Variants in KCNK3 observed in about 807,000 individuals in gnomAD.
KCNK3 encodes the protein potassium channel subfamily K member 3.
Under a neutral mutation model 27.3 loss-of-function variants are expected in KCNK3, and 9 were observed. That is an observed-to-expected ratio of 0.33 (90% CI 0.20 to 0.57). The LOEUF is 0.57. Among genes scored for constraint, KCNK3 ranks in the 20% least tolerant of loss-of-function variants. The pLI is 0.87. For synonymous variants in KCNK3, 278 were observed against 273.8 expected (o/e 1.02, Z -0.15); for missense variants, 391 against 577.7 (o/e 0.68, Z 3.31).
At chr2:26,708,727 T>A (rs978013717) in intron 1 of KCNK3, among the ~76,000 whole-genome samples, 1 of 152,188 alleles carries the variant, frequency 6.6e-6, no homozygotes, top group Non-Finnish European at 1.5e-5. Flanking sequence ...TTAAGACTGA[T>A]AGAAGTCACT....
chr2:26,704,139 AC>A (rs963899344), intron 1 of KCNK3, among the ~76,000 whole-genome samples: 2 of 151,940 alleles, frequency 1.3e-5, no homozygotes, highest in African/African-American at 4.8e-5. Context: ...CACCCTGCTC[AC>A]CCAGCAGCCC....
chr2:26,698,991 A>G (rs917563609), intron 1 of KCNK3, among the ~76,000 whole-genome samples: 3 of 152,110 alleles, frequency 2.0e-5, no homozygotes, highest in African/African-American at 7.2e-5. Context: ...AGCCTGGTCA[A>G]CAATGGTGAA....
chr2:26,715,114 T>C (rs1037715063), intron 1 of KCNK3, among the ~76,000 whole-genome samples: 1 of 152,258 alleles, frequency 6.6e-6, no homozygotes, highest in Non-Finnish European at 1.5e-5. Flanking sequence ...TTAGTTAGAC[T>C]GGACAAGGTG....
At chr2:26,698,280 C>T (rs1182734505) in intron 1 of KCNK3, among the ~76,000 whole-genome samples, 2 of 152,176 alleles carry the variant, frequency 1.3e-5, no homozygotes, top group Admixed American at 6.5e-5. Context: ...AGCCCGTGGG[C>T]GTGCTTCGAC....
chr2:26,710,737 G>C (rs1421158194), intron 1 of KCNK3, among the ~76,000 whole-genome samples: 2 of 152,168 alleles, frequency 1.3e-5, no homozygotes, highest in African/African-American at 4.8e-5. Flanking sequence ...CTGAGGCCCT[G>C]CTGCTCCCAG....
At chr2:26,706,539 AG>A (rs1165455586) in intron 1 of KCNK3, among the ~76,000 whole-genome samples, 2 of 152,144 alleles carry the variant, frequency 1.3e-5, no homozygotes, top group African/African-American at 4.8e-5. Flanking sequence ...GGTCAGGCAA[AG>A]TAAGACCCTC....
At position 26,728,861 on chromosome 2, in the gene KCNK3, A is replaced by C; in HGVS notation, c.*293A>C. On this transcript the variant is annotated 3_prime_UTR_variant, in exon 2 of 2. Transcript: ENST00000302909. Reference sequence around the variant, plus strand: ...GAGCCTCCCTTCCCTTTGAAAATCTAAGAAGCTCCCAGTCCTCAGAGACCC... The same window carrying C: ...GAGCCTCCCTTCCCTTTGAAAATCTCAGAAGCTCCCAGTCCTCAGAGACCC... The C allele has an allele frequency of 2.9e-6, 1 of 340,500 alleles. No individual in the cohort carries two copies. Among genetic ancestry groups the C allele is most frequent in the Non-Finnish European group, 5.3e-6 (1 of 189,060 alleles). The allele number at this position is 340,500 out of a possible 1,614,324, so 21.1% of individuals were successfully genotyped here.
At chr2:26,695,685 G>A (rs1670226045) in intron 1 of KCNK3, among the ~76,000 whole-genome samples, 1 of 152,188 alleles carries the variant, frequency 6.6e-6, no homozygotes, top group South Asian at 2.1e-4. Flanking sequence ...CTATTGATGG[G>A]TTTAAGGTGT....
chr2:26,728,776 C>A lies in KCNK3; in HGVS notation c.*208C>A, dbSNP rs1663482294. On this transcript the variant is annotated 3_prime_UTR_variant, in exon 2 of 2. Coordinates refer to ENST00000302909, the MANE Select transcript of KCNK3 (RefSeq NM_002246.3). ...AGGACCCCTGGGGCCCCCATCGGAG[C>A]CCTGCAAATTCCGAGAAATGTGAAA... 2 of 413,872 alleles carry A rather than the reference C, an allele frequency of 4.8e-6. No homozygotes were observed. Among genetic ancestry groups the A allele is most frequent in the Non-Finnish European group, 8.4e-6 (2 of 239,410 alleles). The allele number at this position is 413,872 out of a possible 1,614,324, so 25.6% of individuals were successfully genotyped here.
intron 1 of KCNK3, among the ~76,000 whole-genome samples, chr2:26,707,347 C>T (rs969843073): frequency 1.3e-5 from 2 of 152,172 alleles, no homozygotes; most frequent in South Asian, 2.1e-4. Context: ...CAGGGAGTGG[C>T]CAGGAGCGAG....
At chr2:26,726,106 C>CAG (rs1168877805) in intron 1 of KCNK3, among the ~76,000 whole-genome samples, 13 of 81,818 alleles carry the variant, frequency 1.6e-4, no homozygotes, top group African/African-American at 7.3e-4. Context: ...CACACACACA[C>CAG]AGAGAGAGAG....
At chr2:26,704,593 T>G (rs1310355954) in intron 1 of KCNK3, among the ~76,000 whole-genome samples, 4 of 152,102 alleles carry the variant, frequency 2.6e-5, no homozygotes, top group Non-Finnish European at 5.9e-5. Context: ...GGAACTGAAC[T>G]GTCAGGCCCC....
At chr2:26,704,311 C>G (rs1002591710) in intron 1 of KCNK3, among the ~76,000 whole-genome samples, 1 of 152,170 alleles carries the variant, frequency 6.6e-6, no homozygotes, top group Non-Finnish European at 1.5e-5. Context: ...ACACTGAATG[C>G]ACAGCTTCTG....
rs1173769404 is a variant in KCNK3 at position 26,732,830 on chromosome 2, A to C, written c.*4262A>C. 6.6e-6 allele frequency: 1 copy of C among 152,272 alleles called. No homozygotes were observed. Among genetic ancestry groups the C allele is most frequent in the Non-Finnish European group, 1.5e-5 (1 of 68,052 alleles). The allele number at this position is 152,272 out of a possible 1,614,324, so 9.4% of individuals were successfully genotyped here. A position where few individuals can be genotyped will look rare whatever the true frequency, so the allele number is the denominator to read the frequency against. ...TTCTTAAGCAGTGCTTGCAGGACAT[A>C]AATGTGATGACACTTGCCCTCCTTT... On this transcript the variant is annotated 3_prime_UTR_variant, in exon 2 of 2. Transcript: ENST00000302909.
At chr2:26,708,579 T>TACTCGG (rs1663031842) in intron 1 of KCNK3, among the ~76,000 whole-genome samples, 1 of 152,184 alleles carries the variant, frequency 6.6e-6, no homozygotes, top group East Asian at 1.9e-4. Flanking sequence ...CTCGGGAGGC[T>TACTCGG]GAGGCATAAG....
chr2:26,709,412 T>A (rs1663059251), intron 1 of KCNK3, among the ~76,000 whole-genome samples: 1 of 151,344 alleles, frequency 6.6e-6, no homozygotes, highest in South Asian at 2.1e-4. Context: ...TGCCAGGAGA[T>A]GGGAAGGAGG....
Position 26,730,282 on chromosome 2 carries a change from T to C in KCNK3, c.*1714T>C, listed in dbSNP as rs1163313596. The stretch of plus-strand genomic sequence containing the variant: ...GCACCATTGTCATTGTTGGTGCCTG[T>C]GTCCCAAGTAGCTAGTGATAAGCTG... On this transcript the variant is annotated 3_prime_UTR_variant, in exon 2 of 2. Transcript: ENST00000302909. 2 of 152,240 alleles carry C rather than the reference T, an allele frequency of 1.3e-5. No homozygotes were observed. The highest frequency in any genetic ancestry group is 4.8e-5 in the African/African-American group (2 of 41,440). The allele number at this position is 152,240 out of a possible 1,614,324, so 9.4% of individuals were successfully genotyped here. A position where few individuals can be genotyped will look rare whatever the true frequency, so the allele number is the denominator to read the frequency against.
chr2:26,707,261 A>C (rs1285195132), intron 1 of KCNK3, among the ~76,000 whole-genome samples: 1 of 152,164 alleles, frequency 6.6e-6, no homozygotes, highest in East Asian at 1.9e-4. Context: ...CACGGCTCCC[A>C]CAGTAGTCCC....
chr2:26,726,939 G>T (rs1193683801), intron 1 of KCNK3, among the ~76,000 whole-genome samples: 1 of 152,228 alleles, frequency 6.6e-6, no homozygotes, highest in Non-Finnish European at 1.5e-5. Context: ...AAGGCCTCCA[G>T]TTGGAGGCTG....
Sources: gnomAD v4.1 joint callset for allele counts (sites outside exome capture counted in the v4.1 genomes callset) on GRCh38, gnomAD v4.1.1 for gene constraint, MANE v1.5 for transcripts, NCBI Gene and HGNC (gene_info 2026-07-23, HGNC 2026-07-21) for gene names.